The following CFAP74 variants were observed in gnomAD, a reference collection of about 807,000 sequenced individuals.
CFAP74 encodes cilia- and flagella-associated protein 74.
Under a neutral mutation model 188.9 loss-of-function variants are expected in CFAP74, and 124 were observed. The ratio of observed to expected loss-of-function variants is 0.66; its 90% CI spans 0.57 to 0.76. The LOEUF is 0.76. Ranked by LOEUF, CFAP74 falls within the 30% of genes least tolerant of loss-of-function variation. CFAP74 has a pLI of 0.00. For synonymous variants in CFAP74, 956 were observed against 916.7 expected (o/e 1.04, Z -0.77); for missense variants, 2,198 against 2,165.2 (o/e 1.02, Z -0.30).
At chr1:1,980,485 GCAGTGGGCGCCTCA>G (rs879294749) in intron 6 of CFAP74, among the ~76,000 whole-genome samples, 1,513 of 149,238 alleles carry the variant, frequency 0.01, 219 homozygotes, top group African/African-American at 0.026. Context: ...GGCACAGATC[GCAGTGGGCGCCTCA>G]CAGCAGCCCC....
Position 1,925,785 on chromosome 1 carries a change from T to C in CFAP74, c.4102A>G (p.Lys1368Glu), listed in dbSNP as rs1474257077. The C allele has an allele frequency of 1.2e-6, 2 of 1,611,076 alleles. No homozygotes were observed. Among genetic ancestry groups the C allele is most frequent in the East Asian group, 2.2e-5 (1 of 44,852 alleles). ...IAGESVSSGF[K>E]LQNNSLLPIK... The stretch of plus-strand genomic sequence containing the variant: ...ACCAGGGCCCACGTGTGCTTCACCT[T>C]GAAGCCTGAGGACACAGACTCTCCG... Residue 1368 changes from lysine (K) to glutamate (E), a missense_variant and splice_region_variant, in exon 33 of 39, where the codon AAG becomes GAG. By Grantham distance (56) the Lys-to-Glu change is moderately conservative. Transcript: ENST00000682832.
intron 18 of CFAP74, among the ~76,000 whole-genome samples, chr1:1,948,701 G>C (rs368435730): frequency 1.4e-5 from 2 of 147,336 alleles, no homozygotes; most frequent in African/African-American, 5.0e-5. Context: ...CGATCCTCCC[G>C]GCTCAGCATC....
chr1:1,951,212 T>C (rs895579623), intron 18 of CFAP74, among the ~76,000 whole-genome samples: 19 of 152,158 alleles, frequency 1.2e-4, no homozygotes, highest in Non-Finnish European at 2.6e-4. Flanking sequence ...AGCATGTTTA[T>C]AACATCATCA....
intron 16 of CFAP74, 44 bp from the exon 17 acceptor site, chr1:1,956,828 C>T: frequency 6.3e-7 from 1 of 1,593,208 alleles, no homozygotes; most frequent in Non-Finnish European, 8.6e-7. Context: ...CGTGCCAGGC[C>T]CACAGGGTGC....
At chr1:1,961,194 C>G (rs1202282034) in intron 14 of CFAP74, among the ~76,000 whole-genome samples, 3 of 152,130 alleles carry the variant, frequency 2.0e-5, no homozygotes, top group African/African-American at 7.2e-5. Flanking sequence ...AAAGGAGGAG[C>G]AGGAGGGCAG....
chr1:1,990,740 C>T, intron 2 of CFAP74, 150 bp downstream of exon 2: 1 of 543,050 alleles, frequency 1.8e-6, no homozygotes, highest in South Asian at 3.4e-5. Context: ...CAAATAAAGA[C>T]AATAATATAA....
Position 1,922,231 on chromosome 1 carries a change from C to A in CFAP74, c.*56G>T. ...TAGGGTAGTATGACCTGGCCCTCAG[C>A]CTGGGGAGGGCTTTGAGGGTGGACA... On this transcript the variant is annotated 3_prime_UTR_variant, in exon 39 of 39. Transcript: ENST00000682832. 1 of 1,372,186 alleles carries A rather than the reference C, an allele frequency of 7.3e-7. No homozygotes were observed. Among genetic ancestry groups the A allele is most frequent in the Admixed American group, 1.8e-5 (1 of 54,644 alleles). 85.0% of individuals were successfully genotyped at this position (1,372,186 alleles called of 1,614,324 possible).
rs1293672362 is a variant in CFAP74, at chr1:1,959,102, G to A, written c.1851+18C>T. On this transcript the variant is annotated intron_variant, in intron 16 of 38. Transcript: ENST00000682832. ...AGCATGCCCCGAGAAATGCTGGCTC[G>A]GACACCTTTGAACTCACCGAACATT... 14 of 1,576,792 alleles carry A rather than the reference G, an allele frequency of 8.9e-6. No individual in the cohort carries two copies. The highest frequency in any genetic ancestry group is 1.4e-5 in the African/African-American group (1 of 73,950).
chr1:1,922,217 G>T lies in CFAP74; in HGVS notation c.*70C>A. On this transcript the variant is annotated 3_prime_UTR_variant, in exon 39 of 39. Transcript: ENST00000682832. Reference sequence around the variant, plus strand: ...CAGGTCCCAGGCTCTAGGGTAGTATGACCTGGCCCTCAGCCTGGGGAGGGC... The same window carrying T: ...CAGGTCCCAGGCTCTAGGGTAGTATTACCTGGCCCTCAGCCTGGGGAGGGC... 5.1e-6 allele frequency: 6 copies of T among 1,174,316 alleles called. No individual in the cohort carries two copies. The South Asian group carries it at 6.5e-5, about 13-fold the overall frequency. 72.7% of individuals were successfully genotyped at this position (1,174,316 alleles called of 1,614,324 possible).
At position 1,946,442 on chromosome 1, in the gene CFAP74, G is replaced by A. The variant is rs374215553; in HGVS notation, c.2242-3C>T. 172 of 1,532,678 alleles carry A rather than the reference G, an allele frequency of 1.1e-4. No individual in the cohort carries two copies. The highest frequency in any genetic ancestry group is 1.4e-4 in the Non-Finnish European group (155 of 1,144,210). The allele number at this position is 1,532,678 out of a possible 1,614,324, so 94.9% of individuals were successfully genotyped here. ...GGGCCAATTTCCCCTTCTGTTACCT[G>A]CACAGGAAGAGATGCCATGGGGTCT... On this transcript the variant is annotated splice_polypyrimidine_tract_variant and splice_region_variant and intron_variant, in intron 19 of 38. Transcript: ENST00000682832.
intron 16 of CFAP74, among the ~76,000 whole-genome samples, chr1:1,957,722 G>C (rs909870477): frequency 6.6e-6 from 1 of 151,982 alleles, no homozygotes; most frequent in Non-Finnish European, 1.5e-5. Context: ...GACTCCTGCC[G>C]GGCTCCCAGG....
At position 1,990,987 on chromosome 1, in the gene CFAP74, G is replaced by A. The variant is rs1316596158; in HGVS notation, c.-19-12C>T. ...GAGATAGAAATTAGCTGCAAAAGATGATCGCAAAATATAGATCAATAAAAT... is the reference window on the plus strand; with the variant it reads ...GAGATAGAAATTAGCTGCAAAAGATAATCGCAAAATATAGATCAATAAAAT... On this transcript the variant is annotated splice_polypyrimidine_tract_variant and intron_variant, in intron 1 of 38. Transcript: ENST00000682832. 1 of 1,551,658 alleles carries A rather than the reference G, an allele frequency of 6.4e-7. No individual in the cohort carries two copies. Among genetic ancestry groups the A allele is most frequent in the Admixed American group, 1.8e-5 (1 of 54,856 alleles).
chr1:2,000,428 G>A (rs1024903248), intron 1 of CFAP74, among the ~76,000 whole-genome samples: 1 of 152,154 alleles, frequency 6.6e-6, no homozygotes, highest in African/African-American at 2.4e-5. Flanking sequence ...CTGGCTCTGC[G>A]ATTCCTCTCC....
intron 17 of CFAP74, 75 bp downstream of exon 17, chr1:1,956,545 C>T (rs1654641667): frequency 1.3e-6 from 2 of 1,571,734 alleles, no homozygotes; most frequent in African/African-American, 1.3e-5. Flanking sequence ...CATGTTGTCA[C>T]CTCTGTTCAC....
chr1:1,941,961 G>A (rs755672273), intron 22 of CFAP74, 67 bp downstream of exon 22: 25 of 1,388,712 alleles, frequency 1.8e-5, no homozygotes, highest in South Asian at 1.2e-4. Flanking sequence ...GGCCAGTGGC[G>A]AGGAGCGCCT....
intron 2 of CFAP74, among the ~76,000 whole-genome samples, chr1:1,989,952 C>T (rs1383532681): frequency 6.6e-6 from 1 of 152,166 alleles, no homozygotes; most frequent in Non-Finnish European, 1.5e-5. Context: ...CCATTTGTCT[C>T]CTCACTCTCT....
chr1:1,927,568 C>G lies in CFAP74; in HGVS notation c.3527+39G>C, dbSNP rs138156025. Reference sequence around the variant, plus strand: ...CCACAGTGGGTCCCACCAGAGGGGCCTGGAGGGAAGCAGGTGGGGCAGCCC... The same window carrying G: ...CCACAGTGGGTCCCACCAGAGGGGCGTGGAGGGAAGCAGGTGGGGCAGCCC... On this transcript the variant is annotated intron_variant, in intron 28 of 38. Transcript: ENST00000682832. 3,794 of 1,536,008 alleles carry G rather than the reference C, an allele frequency of 2.5e-3. 92 individuals carry two copies. The African/African-American group carries it at 0.046, about 19-fold the overall frequency.
intron 18 of CFAP74, chr1:1,954,277 G>C (rs562017816): frequency 1.3e-5 from 2 of 152,390 alleles, no homozygotes; most frequent in African/African-American, 2.4e-5. Flanking sequence ...GCAGAGCTGG[G>C]CTTCTGGGCT....
At chr1:1,997,145 G>A (rs1477771266) in intron 1 of CFAP74, among the ~76,000 whole-genome samples, 2 of 152,138 alleles carry the variant, frequency 1.3e-5, no homozygotes, top group African/African-American at 2.4e-5. Flanking sequence ...AAAGGCGGCC[G>A]GGCGCGGTGG....
Sources: allele counts gnomAD v4.1 joint callset (sites outside exome capture counted in the v4.1 genomes callset), GRCh38; gene constraint gnomAD v4.1.1; transcripts MANE v1.5; gene names NCBI Gene and HGNC (gene_info 2026-07-23, HGNC 2026-07-21).